Variants in PRXL2C observed in about 807,000 individuals in gnomAD.
PRXL2C encodes peroxiredoxin-like 2C.
Under a neutral mutation model 24.9 loss-of-function variants are expected in PRXL2C, and 38 were observed. The observed-to-expected ratio is 1.53, with a 90% CI of 1.18 to 2.00. The LOEUF is 2.00. Among genes scored for constraint, PRXL2C ranks in the 30% most tolerant of loss-of-function variants. PRXL2C has a pLI of 0.00. For synonymous variants in PRXL2C, 98 were observed against 117.2 expected, an observed-to-expected ratio of 0.84 and a Z score of 1.06; for missense variants, 294 against 290.9, an observed-to-expected ratio of 1.01 and a Z score of -0.08.
intron 4 of PRXL2C, among the ~76,000 whole-genome samples, chr9:96,650,796 C>A (rs1238994849): frequency 6.6e-6 from 1 of 152,110 alleles, no homozygotes; most frequent in Non-Finnish European, 1.5e-5. Context: ...CTTTTAAAAC[C>A]TATTTCATCA....
At chr9:96,654,041 C>T (rs1403911869) in intron 2 of PRXL2C, among the ~76,000 whole-genome samples, 1 of 152,158 alleles carries the variant, frequency 6.6e-6, no homozygotes, top group East Asian at 1.9e-4. Context: ...AGGGTTTCAC[C>T]GTGTTAACCA....
In PRXL2C at chr9:96,655,189, C is replaced by T; in HGVS notation, c.93G>A (p.Ala31=). The part of the protein sequence containing the change: ...PSGPDSGQPL[A]AAVAELPVLD... ...GCACCGGCAGCTCGGCCACGGCGGC[C>T]GCCAGGGGCTGCCCGCTGTCGGGGC... is the stretch of plus-strand genomic sequence containing the variant. Residue 31 remains alanine, a synonymous_variant, in exon 1 of 6, where the codon GCG becomes GCA. Coordinates refer to ENST00000375234, the MANE Select transcript of PRXL2C (RefSeq NM_153698.2). 1 of 1,208,724 alleles carries T rather than the reference C, an allele frequency of 8.3e-7. No homozygotes were observed. Among genetic ancestry groups the T allele is most frequent in the Non-Finnish European group, 1.0e-6 (1 of 975,136 alleles). The allele number at this position is 1,208,724 out of a possible 1,614,324, so 74.9% of individuals were successfully genotyped here.
chr9:96,655,107 C>A lies in PRXL2C; in HGVS notation c.175G>T (p.Val59Leu). The A allele has an allele frequency of 7.0e-7, 1 of 1,434,056 alleles. No homozygotes were observed. The highest frequency in any genetic ancestry group is 9.1e-7 in the Non-Finnish European group (1 of 1,097,706). 88.8% of individuals were successfully genotyped at this position (1,434,056 alleles called of 1,614,324 possible). Residue 59 changes from valine to leucine, a missense_variant, in exon 1 of 6, where the codon GTG becomes TTG. Coordinates refer to ENST00000375234, the MANE Select transcript of PRXL2C (RefSeq NM_153698.2). ...CCGCTCACCCGCACGAACACCACCACGGCGCGGCGCTCCCGGAACAGCGCG... is the reference window on the plus strand; with the variant it reads ...CCGCTCACCCGCACGAACACCACCAAGGCGCGGCGCTCCCGGAACAGCGCG... The part of the protein sequence containing the change: ...FGALFRERRA[V>L]VVFVRHFLCY...
intron 2 of PRXL2C, among the ~76,000 whole-genome samples, chr9:96,653,957 C>T (rs1042978693): frequency 6.6e-6 from 1 of 152,066 alleles, no homozygotes; most frequent in African/African-American, 2.4e-5. Flanking sequence ...TCTCCTGCCT[C>T]AGCCTCCCGA....
intron 5 of PRXL2C, among the ~76,000 whole-genome samples, chr9:96,644,494 T>C (rs1218057954): frequency 6.6e-6 from 1 of 152,132 alleles, no homozygotes; most frequent in Non-Finnish European, 1.5e-5. Flanking sequence ...CCATTCTTTT[T>C]TATTTTTTGA....
At position 96,655,106 on chromosome 9, in the gene PRXL2C, A is replaced by C. The variant is rs1004133088; in HGVS notation, c.176T>G (p.Val59Gly). The change falls in exon 1 of 6, where the codon GTG (valine) becomes GGG (glycine). Residue 59 changes from valine (V) to glycine (G), a missense_variant. By Grantham distance (109) the Val-to-Gly change is moderately radical. Transcript: ENST00000375234. ...FGALFRERRA[V>G]VVFVRHFLCY... ...CCCGCTCACCCGCACGAACACCACCACGGCGCGGCGCTCCCGGAACAGCGC... is the reference window on the plus strand; with the variant it reads ...CCCGCTCACCCGCACGAACACCACCCCGGCGCGGCGCTCCCGGAACAGCGC... 3 of 1,435,678 alleles carry C rather than the reference A, an allele frequency of 2.1e-6. No homozygotes were observed. The highest frequency in any genetic ancestry group is 2.7e-6 in the Non-Finnish European group (3 of 1,098,320). 88.9% of individuals were successfully genotyped at this position (1,435,678 alleles called of 1,614,324 possible). A position where few individuals can be genotyped will look rare whatever the true frequency, so the allele number is the denominator to read the frequency against.
intron 5 of PRXL2C, among the ~76,000 whole-genome samples, chr9:96,642,256 T>C (rs1333490997): frequency 6.6e-6 from 1 of 152,028 alleles, no homozygotes; most frequent in Non-Finnish European, 1.5e-5. Flanking sequence ...AATCTAATAA[T>C]AGAATAAATA....
At position 96,640,896 on chromosome 9, in the gene PRXL2C, A is replaced by C. The variant is rs1848105144; in HGVS notation, c.*863T>G. The C allele has an allele frequency of 6.6e-6, 1 of 152,150 alleles. No individual in the cohort carries two copies. Among genetic ancestry groups the C allele is most frequent in the African/African-American group, 2.4e-5 (1 of 41,432 alleles). 9.4% of individuals were successfully genotyped at this position (152,150 alleles called of 1,614,324 possible). ...AAAAGCACACTGACCATATTTTTAA[A>C]TACATATCTTAAATATCTAAAACAA... On this transcript the variant is annotated 3_prime_UTR_variant, in exon 6 of 6. Coordinates refer to ENST00000375234, the MANE Select transcript of PRXL2C (RefSeq NM_153698.2).
chr9:96,654,782 C>T lies in PRXL2C; in HGVS notation c.193-9G>A. 1 of 1,557,750 alleles carries T rather than the reference C, an allele frequency of 6.4e-7. No individual in the cohort carries two copies. Among genetic ancestry groups the T allele is most frequent in the Non-Finnish European group, 8.7e-7 (1 of 1,149,738 alleles). Reference sequence around the variant, plus strand: ...ATGTAACACAGGAAATGCTGAAAGCCAAAACGGCAGAAAGGGCAAGTTAGT... The same window carrying T: ...ATGTAACACAGGAAATGCTGAAAGCTAAAACGGCAGAAAGGGCAAGTTAGT... On this transcript the variant is annotated splice_polypyrimidine_tract_variant and intron_variant, in intron 1 of 5. Transcript: ENST00000375234.
Position 96,642,570 on chromosome 9 carries a change from G to A in PRXL2C, c.554-684C>T, listed in dbSNP as rs1420725012. On this transcript the variant is annotated intron_variant, in intron 5 of 5. Coordinates refer to ENST00000375234, the MANE Select transcript of PRXL2C (RefSeq NM_153698.2). ...CATTTTTTTTTTTTTTTTTTGAGAC[G>A]GAGGCTCGCTTTGTCGCCAGGCTGG... Among the ~76,000 whole-genome samples, 3 of 144,692 alleles carry A rather than the reference G, an allele frequency of 2.1e-5. 1 individual carries two copies. Among genetic ancestry groups the A allele is most frequent in the South Asian group, 4.3e-4 (2 of 4,654 alleles). The allele number at this position is 144,692 out of a possible 152,430, so 94.9% of individuals were successfully genotyped here.
intron 4 of PRXL2C, among the ~76,000 whole-genome samples, chr9:96,647,908 C>T (rs1423248773): frequency 6.6e-6 from 1 of 151,520 alleles, no homozygotes; most frequent in African/African-American, 2.4e-5. Context: ...TTTTAAAATG[C>T]AAAAGAAAAT....
Position 96,651,658 on chromosome 9 carries a change from C to T in PRXL2C, c.315+1G>A, listed in dbSNP as rs752094103. 75 of 1,607,368 alleles carry T rather than the reference C, an allele frequency of 4.7e-5. No homozygotes were observed. Among genetic ancestry groups the T allele is most frequent in the Non-Finnish European group, 6.2e-5 (73 of 1,175,820 alleles). On this transcript the variant is annotated splice_donor_variant, in intron 3 of 5. Coordinates refer to ENST00000375234, the MANE Select transcript of PRXL2C (RefSeq NM_153698.2). LOFTEE classifies it high-confidence loss of function. ...AGTCTCCCAATGTACTAGATATTTA[C>T]CTCAATATGATGGTAGGATGACTGT...
At position 96,645,896 on chromosome 9, in the gene PRXL2C, G is replaced by T; in HGVS notation, c.550C>A (p.Pro184Thr). Reference protein sequence around the residue: ...AQQGGTLILGPGNNIHFIHRD... With the variant: ...AQQGGTLILGTGNNIHFIHRD... ...GAACCTGGGCTTTGATGCTTACCTGGACCTAAAATGAGGGTTCCACCTTGC... is the reference window on the plus strand; with the variant it reads ...GAACCTGGGCTTTGATGCTTACCTGTACCTAAAATGAGGGTTCCACCTTGC... The change falls in exon 5 of 6, where the codon CCA becomes ACA. Residue 184 changes from proline (P) to threonine (T), a missense_variant. Physicochemically the swap from Pro to Thr is conservative, Grantham distance 38. Coordinates refer to ENST00000375234, the MANE Select transcript of PRXL2C (RefSeq NM_153698.2). 1 of 1,609,860 alleles carries T rather than the reference G, an allele frequency of 6.2e-7. No homozygotes were observed. The highest frequency in any genetic ancestry group is 1.1e-5 in the South Asian group (1 of 90,342).
chr9:96,654,723 G>A lies in PRXL2C; in HGVS notation c.243C>T (p.Ile81=), dbSNP rs1848326051. 4 of 1,565,706 alleles carry A rather than the reference G, an allele frequency of 2.6e-6. No homozygotes were observed. The highest frequency in any genetic ancestry group is 2.3e-5 in the East Asian group (1 of 42,900). ...AACTCACTTGTAAGAAACTCCTGGGGATTTTGGCCAGATCCTCTACGTATT... is the reference window on the plus strand; with the variant it reads ...AACTCACTTGTAAGAAACTCCTGGGAATTTTGGCCAGATCCTCTACGTATT... ...CKEYVEDLAK[I]PRSFLQEANV... is the part of the protein sequence containing the mutation. Residue 81 remains isoleucine, a synonymous_variant, in exon 2 of 6, where the codon ATC becomes ATT. Coordinates refer to ENST00000375234, the MANE Select transcript of PRXL2C (RefSeq NM_153698.2).
intron 5 of PRXL2C, among the ~76,000 whole-genome samples, chr9:96,645,353 G>C (rs940524612): frequency 4.6e-5 from 7 of 152,042 alleles, no homozygotes; most frequent in African/African-American, 1.7e-4. Context: ...AATCATCTAG[G>C]CATGGGATGA....
At chr9:96,650,929 A>C (rs1301559589) in intron 4 of PRXL2C, among the ~76,000 whole-genome samples, 2 of 152,132 alleles carry the variant, frequency 1.3e-5, no homozygotes, top group African/African-American at 4.8e-5. Flanking sequence ...ACAGCCTTCC[A>C]TGTCATTACA....
chr9:96,641,923 A>G, intron 5 of PRXL2C, 37 bp from the exon 6 acceptor site: 1 of 1,409,828 alleles, frequency 7.1e-7, no homozygotes, highest in South Asian at 1.8e-5. Flanking sequence ...GAGGCATAGT[A>G]TTATTCATCA....
chr9:96,644,210 A>G (rs1054488472), intron 5 of PRXL2C, among the ~76,000 whole-genome samples: 3 of 152,120 alleles, frequency 2.0e-5, no homozygotes, highest in African/African-American at 7.2e-5. Context: ...CATTAAGCAG[A>G]CAGTTTTAAA....
In PRXL2C at chr9:96,640,676, C is replaced by T. The variant is rs1170509262; in HGVS notation, c.*1083G>A. On this transcript the variant is annotated 3_prime_UTR_variant, in exon 6 of 6. Transcript: ENST00000375234. ...TGAAACCCCGTCTCTAATAAAAATA[C>T]AAAAAATTAGCCGGGCGTGGTGGTG... The T allele has an allele frequency of 6.7e-6, 1 of 149,466 alleles. No homozygotes were observed. The allele number at this position is 149,466 out of a possible 1,614,324, so 9.3% of individuals were successfully genotyped here. A position where few individuals can be genotyped will look rare whatever the true frequency, so the allele number is the denominator to read the frequency against.
Sources: gnomAD v4.1 joint callset for allele counts (sites outside exome capture counted in the v4.1 genomes callset) on GRCh38, gnomAD v4.1.1 for gene constraint, MANE v1.5 for transcripts, NCBI Gene and HGNC (gene_info 2026-07-23, HGNC 2026-07-21) for gene names.